Variants in HYAL3 observed in about 807,000 individuals in gnomAD.
HYAL3 encodes the protein hyaluronidase-3.
A neutral mutation model predicts 29.6 loss-of-function variants in HYAL3; 25 were observed. The observed-to-expected ratio is 0.85, with a 90% CI of 0.62 to 1.18. HYAL3 has a LOEUF of 1.18. Ranked by LOEUF, HYAL3 falls within the 50% of genes most tolerant of loss-of-function variation. The pLI, the probability that HYAL3 is intolerant of heterozygous loss-of-function variation, is 0.00. For synonymous variants in HYAL3, 215 were observed against 218.3 expected, an observed-to-expected ratio of 0.99 and a Z score of 0.13; for missense variants, 442 against 548.4, an observed-to-expected ratio of 0.81 and a Z score of 1.94.
At chr3:50,296,261 G>T in intron 1 of HYAL3, 1 of 332,056 alleles carries the variant, frequency 3.0e-6, no homozygotes, top group Non-Finnish European at 5.5e-6. Context: ...AGCCAGGTGG[G>T]GGGTAAAGGC....
chr3:50,296,572 C>G (rs782066929), intron 1 of HYAL3: 14 of 1,606,602 alleles, frequency 8.7e-6, no homozygotes, highest in Middle Eastern at 1.8e-4. Flanking sequence ...GTCTATTGAA[C>G]CAGAAAGACA....
In HYAL3 at chr3:50,293,696, AC is replaced by A. The variant is rs1377426804; in HGVS notation, c.919del (p.Val307Ter). On this transcript the variant is annotated frameshift_variant, in exon 3 of 4. Coordinates refer to ENST00000336307, the MANE Select transcript of HYAL3 (RefSeq NM_003549.4). LOFTEE classifies it high-confidence loss of function. ...SQDDLVQSIG[V>X]SAALGAAGVV... ...GCCGGCTGCCCCTAGTGCTGCACTC[AC>A]ACCAATGGACTGCACAAGGTCATCC... 5 of 1,613,614 alleles carry A rather than the reference AC, an allele frequency of 3.1e-6. No homozygotes were observed. Among genetic ancestry groups the A allele is most frequent in the Non-Finnish European group, 3.4e-6 (4 of 1,180,042 alleles).
rs1553711796 is a variant in HYAL3 at position 50,298,801 on chromosome 3, CAGGGCTGTA to C, written c.-18+403_-18+411del. Reference sequence around the variant, plus strand: ...CTCCCCTCACCTCCCACACCATTCACAGGGCTGTAAGCCCCTCACCTGCATCAGCCACCT... The same window carrying C: ...CTCCCCTCACCTCCCACACCATTCACAGCCCCTCACCTGCATCAGCCACCT... On this transcript the variant is annotated intron_variant, in intron 1 of 3. Coordinates refer to ENST00000336307, the MANE Select transcript of HYAL3 (RefSeq NM_003549.4). 3 of 1,123,400 alleles carry C rather than the reference CAGGGCTGTA, an allele frequency of 2.7e-6. No individual in the cohort carries two copies. In the African/African-American group the frequency reaches 4.8e-5, roughly 18 times the overall value. 69.6% of individuals were successfully genotyped at this position (1,123,400 alleles called of 1,614,324 possible). A position where few individuals can be genotyped will look rare whatever the true frequency, so the allele number is the denominator to read the frequency against.
intron 1 of HYAL3, among the ~76,000 whole-genome samples, chr3:50,296,240 C>T (rs587721360): frequency 1.3e-5 from 2 of 152,312 alleles, no homozygotes; most frequent in African/African-American, 4.8e-5. Flanking sequence ...AAACAGCCAC[C>T]CTGTCTCCTG....
Position 50,294,725 on chromosome 3 carries a change from C to T in HYAL3, c.878G>A (p.Gly293Glu), listed in dbSNP as rs782774615. ...TCCACTTACCTGGGACAGGAACCTC[C>T]CAGATCTCCGGTGTGTGAGGCGGAC... ...AYVRLTHRRS[G>E]RFLSQDDLVQ... The change falls in exon 2 of 4, where the codon GGG becomes GAG. Residue 293 changes from glycine to glutamate, a missense_variant. Physicochemically the swap from Gly to Glu is moderately conservative, Grantham distance 98. Transcript: ENST00000336307. 2.0e-6 allele frequency: 3 copies of T among 1,504,994 alleles called. No individual in the cohort carries two copies. The highest frequency in any genetic ancestry group is 8.9e-7 in the Non-Finnish European group (1 of 1,126,136). 93.2% of individuals were successfully genotyped at this position (1,504,994 alleles called of 1,614,324 possible).
Position 50,293,486 on chromosome 3 carries a change from CA to C in HYAL3, c.1013del (p.Leu338ArgfsTer9), listed in dbSNP as rs1393324648. On this transcript the variant is annotated frameshift_variant, in exon 4 of 4. Transcript: ENST00000336307. LOFTEE classifies it high-confidence loss of function. The stretch of plus-strand genomic sequence containing the variant: ...TCACATAGGGGCCCAAGGTGTCCAC[CA>C]GGTAGTCATGGAGATGCCAGCACTC... Reference protein sequence around the residue: ...EEECWHLHDYLVDTLGPYVIN... With the variant: ...EEECWHLHDYXVDTLGPYVIN... 1 of 1,613,324 alleles carries C rather than the reference CA, an allele frequency of 6.2e-7. No homozygotes were observed. The highest frequency in any genetic ancestry group is 2.2e-5 in the East Asian group (1 of 44,872).
Position 50,297,475 on chromosome 3 carries a change from G to A in HYAL3, c.-18+1738C>T. The A allele has an allele frequency of 6.3e-7, 1 of 1,585,182 alleles. No individual in the cohort carries two copies. Among genetic ancestry groups the A allele is most frequent in the East Asian group, 2.2e-5 (1 of 44,520 alleles). On this transcript the variant is annotated intron_variant, in intron 1 of 3. Transcript: ENST00000336307. The surrounding 1 kb of genome is among the most constrained non-coding windows in gnomAD (Gnocchi z 4.3). Reference sequence around the variant, plus strand: ...AGGATCAGCTCCATCCGGTGTGTAGGGTCTAGTGTAGGGGTCAGCTTGGCT... The same window carrying A: ...AGGATCAGCTCCATCCGGTGTGTAGAGTCTAGTGTAGGGGTCAGCTTGGCT...
In HYAL3 at chr3:50,297,532, G is replaced by A. The variant is rs781914480; in HGVS notation, c.-18+1681C>T. ...GGGCTCAGAGTCAGCTCTTGCCTAT[G>A]CACAGGATCCAGGTTCAGCTGAGTC... On this transcript the variant is annotated intron_variant, in intron 1 of 3. Transcript: ENST00000336307. The surrounding 1 kb of genome is among the most constrained non-coding windows in gnomAD (Gnocchi z 4.3). 2.0e-6 allele frequency: 3 copies of A among 1,516,838 alleles called. No individual in the cohort carries two copies. Among genetic ancestry groups the A allele is most frequent in the Non-Finnish European group, 2.7e-6 (3 of 1,130,282 alleles). The allele number at this position is 1,516,838 out of a possible 1,614,324, so 94.0% of individuals were successfully genotyped here.
rs2109286678 is a variant in HYAL3 at position 50,295,585 on chromosome 3, G to A, written c.18C>T (p.Gly6=). ...GGGCCACCCCCAGCACCAGGGCTGG[G>A]CCCAGTTGCGTGGTCATTCCCCAAG... MTTQL[G]PALVLGVALC... The change falls in exon 2 of 4, where the codon GGC becomes GGT. Residue 6 remains glycine, a synonymous_variant. Coordinates refer to ENST00000336307, the MANE Select transcript of HYAL3 (RefSeq NM_003549.4). 1 of 1,552,422 alleles carries A rather than the reference G, an allele frequency of 6.4e-7. No homozygotes were observed. The highest frequency in any genetic ancestry group is 2.3e-5 in the East Asian group (1 of 44,244).
chr3:50,295,463 C>G lies in HYAL3; in HGVS notation c.140G>C (p.Gly47Ala). 6.2e-7 allele frequency: 1 copy of G among 1,613,954 alleles called. No individual in the cohort carries two copies. Among genetic ancestry groups the G allele is most frequent in the Non-Finnish European group, 8.5e-7 (1 of 1,179,986 alleles). Residue 47 changes from glycine to alanine, a missense_variant, in exon 2 of 4, where the codon GGT (glycine) becomes GCT (alanine). Physicochemically the swap from Gly to Ala is moderately conservative, Grantham distance 60 (BLOSUM62 0). Transcript: ENST00000336307. ...VPSAHCEARFGVHLPLNALGI... is the reference protein window; with the variant it reads ...VPSAHCEARFAVHLPLNALGI... ...CAGAGCATTGAGTGGCAGGTGCACA[C>G]CAAAGCGGGCCTCACAGTGTGCTGA... is the stretch of plus-strand genomic sequence containing the variant.
At chr3:50,298,155 T>C (rs1193489041) in intron 1 of HYAL3, 2 of 934,330 alleles carry the variant, frequency 2.1e-6, no homozygotes, top group East Asian at 1.2e-4. Context: ...GTTCCCTCCA[T>C]AGGAAAAACT....
chr3:50,297,314 C>T lies in HYAL3; in HGVS notation c.-17-1695G>A. On this transcript the variant is annotated intron_variant, in intron 1 of 3. Coordinates refer to ENST00000336307, the MANE Select transcript of HYAL3 (RefSeq NM_003549.4). The surrounding 1 kb of genome is among the most constrained non-coding windows in gnomAD (Gnocchi z 4.3). ...CAGCCAGGCTAGGAGCTGGGGTCTCCTCTGGCTGGTGTTCAGGATCCAGGG... is the reference window on the plus strand; with the variant it reads ...CAGCCAGGCTAGGAGCTGGGGTCTCTTCTGGCTGGTGTTCAGGATCCAGGG... 6.2e-7 allele frequency: 1 copy of T among 1,607,020 alleles called. No homozygotes were observed. Among genetic ancestry groups the T allele is most frequent in the Non-Finnish European group, 8.5e-7 (1 of 1,175,700 alleles).
At chr3:50,296,695 C>A in intron 1 of HYAL3, 2 of 1,613,302 alleles carry the variant, frequency 1.2e-6, no homozygotes, top group South Asian at 1.1e-5. Context: ...CCTGATGGAA[C>A]TGGGGGTGAG....
At chr3:50,296,404 C>T in intron 1 of HYAL3, 1 of 623,662 alleles carries the variant, frequency 1.6e-6, no homozygotes, top group Non-Finnish European at 2.8e-6. Context: ...CACAGCCATA[C>T]CCAAGAGAGC....
Position 50,293,105 on chromosome 3 carries a change from C to T in HYAL3, c.*141G>A, listed in dbSNP as rs782184039. The stretch of plus-strand genomic sequence containing the variant: ...AGCGTTTTTTCTGGCCCCTTCTACC[C>T]CTCAGGGATTCCAAGGGAAGCGGGG... On this transcript the variant is annotated 3_prime_UTR_variant, in exon 4 of 4. Coordinates refer to ENST00000336307, the MANE Select transcript of HYAL3 (RefSeq NM_003549.4). 6.8e-7 allele frequency: 1 copy of T among 1,469,518 alleles called. No individual in the cohort carries two copies. Among genetic ancestry groups the T allele is most frequent in the Admixed American group, 1.7e-5 (1 of 59,822 alleles). 91.0% of individuals were successfully genotyped at this position (1,469,518 alleles called of 1,614,324 possible).
intron 1 of HYAL3, chr3:50,296,818 G>C: frequency 1.3e-6 from 2 of 1,581,522 alleles, no homozygotes; most frequent in Non-Finnish European, 1.7e-6. Context: ...CGGGGAGAGG[G>C]GGCTGTGGGG....
chr3:50,293,833 C>T, intron 2 of HYAL3, 112 bp from the exon 3 acceptor site: 1 of 950,428 alleles, frequency 1.1e-6, no homozygotes. Flanking sequence ...TCTAACTCTA[C>T]AGTAGGGACT....
chr3:50,298,703 G>C (rs190545325), intron 1 of HYAL3: 15 of 971,696 alleles, frequency 1.5e-5, no homozygotes, highest in Non-Finnish European at 1.7e-5. Flanking sequence ...CTGCTCCAGA[G>C]GGGGCCTCCT....
rs1701790575 is a variant in HYAL3 at position 50,295,148 on chromosome 3, C to T, written c.455G>A (p.Trp152Ter). Residue 152 changes from tryptophan (W) to a stop codon, truncating the protein, a stop_gained, in exon 2 of 4, where the codon TGG (tryptophan) becomes TAG (stop). Transcript: ENST00000336307. LOFTEE classifies it high-confidence loss of function. ...CAGGTCAGGGAATACCTGCTGTGCC[C>T]AAGCCCAAGAGGCTGCCTGATAAGC... ...RRAYQAASWA[W>*]AQQVFPDLDP... The T allele has an allele frequency of 6.2e-7, 1 of 1,613,440 alleles. No individual in the cohort carries two copies. Among genetic ancestry groups the T allele is most frequent in the African/African-American group, 1.3e-5 (1 of 74,926 alleles).
Sources: gnomAD v4.1 joint callset for allele counts (sites outside exome capture counted in the v4.1 genomes callset) on GRCh38, gnomAD v4.1.1 for gene constraint, Gnocchi (gnomAD v3.1) non-coding constraint, MANE v1.5 for transcripts, NCBI Gene and HGNC (gene_info 2026-07-23, HGNC 2026-07-21) for gene names.